KCNQ1: variants seen among roughly 807,000 people sequenced by gnomAD.
The protein encoded by KCNQ1 is potassium voltage-gated channel subfamily Q member 1, also known as potassium voltage-gated channel subfamily KQT member 1.
KCNQ1 carries 49 observed loss-of-function variants against 72.4 expected under a neutral mutation model. That is an observed-to-expected ratio of 0.68 (90% CI 0.54 to 0.86). The LOEUF (loss-of-function observed/expected upper bound fraction) is 0.86, where lower values mean the gene tolerates loss of function less well. Ranked by LOEUF, KCNQ1 falls within the 40% of genes least tolerant of loss-of-function variation. KCNQ1 has a pLI of 0.00. For synonymous variants in KCNQ1, 450 were observed against 412.6 expected (o/e 1.09, Z -1.10); for missense variants, 790 against 945.1 (o/e 0.84, Z 2.15).
In KCNQ1 at chr11:2,457,248, A is replaced by G. The variant is rs886905149; in HGVS notation, c.386+11764A>G. On this transcript the variant is annotated intron_variant, in intron 1 of 15. Transcript: ENST00000155840. The surrounding 1 kb of genome is among the most constrained non-coding windows in gnomAD (Gnocchi z 5.0). ...ATGGAAGGCAGTTTGGAGATTTCCC[A>G]AAGAACCAAGAGTTGAACTACCATT... Among the ~76,000 whole-genome samples, 1 of 152,194 alleles carries G rather than the reference A, an allele frequency of 6.6e-6. No homozygotes were observed. The highest frequency in any genetic ancestry group is 2.4e-5 in the African/African-American group (1 of 41,452).
chr11:2,826,977 G>C lies in KCNQ1; in HGVS notation c.1795-20790G>C, dbSNP rs1418716332. Among the ~76,000 whole-genome samples, 1 of 152,194 alleles carries C rather than the reference G, an allele frequency of 6.6e-6. No individual in the cohort carries two copies. Among genetic ancestry groups the C allele is most frequent in the Non-Finnish European group, 1.5e-5 (1 of 68,036 alleles). On this transcript the variant is annotated intron_variant, in intron 15 of 15. Coordinates refer to ENST00000155840, the MANE Select transcript of KCNQ1 (RefSeq NM_000218.3). This position sits in a 1 kb window ranked among gnomAD's most constrained non-coding sequence, Gnocchi z 4.2. ...GGGACATCTCCAAGGAGGTGACATC[G>C]GAGCAGTCCTCTAAGGAGTTTGGAG...
intron 1 of KCNQ1, among the ~76,000 whole-genome samples, chr11:2,503,582 C>T (rs179403): frequency 6.6e-6 from 1 of 151,502 alleles, no homozygotes; most frequent in East Asian, 1.9e-4. Context: ...GGAGATATAC[C>T]TAATGCTAAA....
At position 2,786,617 on chromosome 11, in the gene KCNQ1, G is replaced by A. The variant is rs1846920643; in HGVS notation, c.1794+8580G>A. Among the ~76,000 whole-genome samples, 3 of 147,288 alleles carry A rather than the reference G, an allele frequency of 2.0e-5. No homozygotes were observed. The South Asian group carries it at 6.4e-4, about 32-fold the overall frequency. On this transcript the variant is annotated intron_variant, in intron 15 of 15. Transcript: ENST00000155840. ...TTAAATCACTTTGTCTCTCTGTACTGTATTCTGGAATCCATCTTCCAGTTC... is the reference window on the plus strand; with the variant it reads ...TTAAATCACTTTGTCTCTCTGTACTATATTCTGGAATCCATCTTCCAGTTC...
In KCNQ1 at chr11:2,778,069, G is replaced by T. The variant is rs41282928; in HGVS notation, c.1794+32G>T. 0.046 allele frequency: 74,527 copies of T among 1,608,826 alleles called. 2,063 individuals are homozygous for T. Among genetic ancestry groups the T allele is most frequent in the Non-Finnish European group, 0.055 (64,451 of 1,176,664 alleles). The stretch of plus-strand genomic sequence containing the variant: ...TCACGCGCCGGCCTGCGGTGGTTCT[G>T]GTTAGCGTCCTGGGGCCAGCAGGCA... On this transcript the variant is annotated intron_variant, in intron 15 of 15. Transcript: ENST00000155840.
chr11:2,574,213 G>T (rs1397165611), intron 6 of KCNQ1, among the ~76,000 whole-genome samples: 1 of 152,198 alleles, frequency 6.6e-6, no homozygotes, highest in African/African-American at 2.4e-5. Context: ...GGCCCAGGGT[G>T]GCACCATCAC....
intron 15 of KCNQ1, among the ~76,000 whole-genome samples, chr11:2,837,238 C>T (rs1283039414): frequency 2.0e-5 from 3 of 152,192 alleles, no homozygotes; most frequent in Non-Finnish European, 4.4e-5. Flanking sequence ...AGACAGAACA[C>T]AGCAGGCTGT....
At chr11:2,631,714 G>T in intron 10 of KCNQ1, 1 of 398,586 alleles carries the variant, frequency 2.5e-6, no homozygotes, top group Non-Finnish European at 4.4e-6. Flanking sequence ...TGCAGCAGCT[G>T]TAGCCCAGAT....
chr11:2,537,810 C>A lies in KCNQ1; in HGVS notation c.477+9792C>A, dbSNP rs753589143. 7.2e-5 allele frequency among the ~76,000 whole-genome samples: 11 copies of A among 152,156 alleles called. No homozygotes were observed. Among genetic ancestry groups the A allele is most frequent in the Non-Finnish European group, 1.5e-4 (10 of 68,044 alleles). On this transcript the variant is annotated intron_variant, in intron 2 of 15. Transcript: ENST00000155840. This position sits in a 1 kb window ranked among gnomAD's most constrained non-coding sequence, Gnocchi z 5.2. Reference sequence around the variant, plus strand: ...CACGGCTCACTGCAGCCTCGGCCTCCTGGCCTCAAGTGTTCCCACTTCAGC... The same window carrying A: ...CACGGCTCACTGCAGCCTCGGCCTCATGGCCTCAAGTGTTCCCACTTCAGC...
In KCNQ1 at chr11:2,825,904, C is replaced by G. The variant is rs535737042; in HGVS notation, c.1795-21863C>G. On this transcript the variant is annotated intron_variant, in intron 15 of 15. Transcript: ENST00000155840. ...ACACTTTACCACCTCCCCACATTGACAAGCTGGCTCCCCAGGGCCACCCGG... is the reference window on the plus strand; with the variant it reads ...ACACTTTACCACCTCCCCACATTGAGAAGCTGGCTCCCCAGGGCCACCCGG... 1.2e-4 allele frequency among the ~76,000 whole-genome samples: 18 copies of G among 152,320 alleles called. No individual in the cohort carries two copies. In the East Asian group the frequency reaches 2.1e-3, roughly 18 times the overall value.
At chr11:2,666,645 A>T in intron 11 of KCNQ1, 1 of 398,670 alleles carries the variant, frequency 2.5e-6, no homozygotes. Flanking sequence ...GGCTTCATGG[A>T]CCAAGGGGCT....
intron 1 of KCNQ1, among the ~76,000 whole-genome samples, chr11:2,452,428 G>T (rs1433477257): frequency 6.6e-6 from 1 of 152,184 alleles, no homozygotes; most frequent in Non-Finnish European, 1.5e-5. Flanking sequence ...TCCACGCAGA[G>T]CAGCCCGGGC....
Position 2,657,967 on chromosome 11 carries a change from G to A in KCNQ1, c.1394-3994G>A. ...TAACCTTGAGCCACTCGTTTAAAGT[G>A]GTGTCGGCCAGGCTCCTCCACTGTA... is the stretch of plus-strand genomic sequence containing the variant. On this transcript the variant is annotated intron_variant, in intron 10 of 15. Coordinates refer to ENST00000155840, the MANE Select transcript of KCNQ1 (RefSeq NM_000218.3). This position sits in a 1 kb window ranked among gnomAD's most constrained non-coding sequence, Gnocchi z 4.8. The A allele has an allele frequency of 2.5e-6, 1 of 398,544 alleles. No homozygotes were observed. The highest frequency in any genetic ancestry group is 2.1e-5 in the African/African-American group (1 of 48,736). The allele number at this position is 398,544 out of a possible 1,614,324, so 24.7% of individuals were successfully genotyped here. A position where few individuals can be genotyped will look rare whatever the true frequency, so the allele number is the denominator to read the frequency against.
At position 2,814,280 on chromosome 11, in the gene KCNQ1, GGGATGGATGGAT is replaced by G. The variant is rs375570048; in HGVS notation, c.1795-33474_1795-33463del. The stretch of plus-strand genomic sequence containing the variant: ...GCTGAATAAAGGATGGATGGATGGT[GGGATGGATGGAT>G]GGATGGATGGATAGATGGATGGATG... On this transcript the variant is annotated intron_variant, in intron 15 of 15. Transcript: ENST00000155840. Among the ~76,000 whole-genome samples the G allele has an allele frequency of 2.5e-3, 345 of 138,342 alleles. 1 individual carries two copies. Among genetic ancestry groups the G allele is most frequent in the African/African-American group, 0.011 (332 of 30,872 alleles). 90.8% of individuals were successfully genotyped at this position (138,342 alleles called of 152,430 possible).
rs1424749699 is a variant in KCNQ1 at position 2,481,783 on chromosome 11, C to T, written c.386+36299C>T. Among the ~76,000 whole-genome samples, 1 of 152,186 alleles carries T rather than the reference C, an allele frequency of 6.6e-6. No individual in the cohort carries two copies. Among genetic ancestry groups the T allele is most frequent in the East Asian group, 1.9e-4 (1 of 5,200 alleles). ...ATGATCTGTCACTGTCTCCCATCAC[C>T]CCCAGATGGGACTGTCTAGTTGCAG... is the stretch of plus-strand genomic sequence containing the variant. On this transcript the variant is annotated intron_variant, in intron 1 of 15. Transcript: ENST00000155840. The surrounding 1 kb of genome is among the most constrained non-coding windows in gnomAD (Gnocchi z 4.6).
intron 11 of KCNQ1, among the ~76,000 whole-genome samples, chr11:2,733,857 C>CTCTCTCTCTCTCTCTCTCTCTCTCT (rs147278439): frequency 3.8e-4 from 29 of 76,340 alleles, no homozygotes; most frequent in African/African-American, 6.1e-4. Context: ...CTCTCTCTCT[C>CTCTCTCTCTCTCTCTCTCTCTCTCT]CCCCCCCACT....
intron 2 of KCNQ1, among the ~76,000 whole-genome samples, chr11:2,561,224 GA>G (rs1376876528): frequency 6.6e-6 from 1 of 150,762 alleles, no homozygotes; most frequent in Non-Finnish European, 1.5e-5. Flanking sequence ...AAGAAAAAAA[GA>G]AAAAAAAGGA....
chr11:2,533,978 C>T (rs1847685592), intron 2 of KCNQ1, among the ~76,000 whole-genome samples: 1 of 152,232 alleles, frequency 6.6e-6, no homozygotes, highest in Admixed American at 6.5e-5. Flanking sequence ...GTCATCGCTG[C>T]GGCTTCCTCC....
At position 2,495,904 on chromosome 11, in the gene KCNQ1, G is replaced by A. The variant is rs1020099300; in HGVS notation, c.387-32024G>A. Among the ~76,000 whole-genome samples, 2 of 152,140 alleles carry A rather than the reference G, an allele frequency of 1.3e-5. No individual in the cohort carries two copies. The highest frequency in any genetic ancestry group is 2.9e-5 in the Non-Finnish European group (2 of 68,028). ...TCCTGAATATCCTTGTTAATTTTCTGTCTCATTGATCTGTCTAATATTGAC... is the reference window on the plus strand; with the variant it reads ...TCCTGAATATCCTTGTTAATTTTCTATCTCATTGATCTGTCTAATATTGAC... On this transcript the variant is annotated intron_variant, in intron 1 of 15. Coordinates refer to ENST00000155840, the MANE Select transcript of KCNQ1 (RefSeq NM_000218.3). This position sits in a 1 kb window ranked among gnomAD's most constrained non-coding sequence, Gnocchi z 4.6.
chr11:2,500,905 G>A (rs1293777538), intron 1 of KCNQ1, among the ~76,000 whole-genome samples: 2 of 151,978 alleles, frequency 1.3e-5, no homozygotes, highest in African/African-American at 4.8e-5. Flanking sequence ...GAGGGAATTA[G>A]GAGAAATACC....
Sources: allele counts gnomAD v4.1 joint callset (sites outside exome capture counted in the v4.1 genomes callset), GRCh38; gene constraint gnomAD v4.1.1; non-coding constraint Gnocchi (gnomAD v3.1); transcripts MANE v1.5; gene names NCBI Gene and HGNC (gene_info 2026-07-23, HGNC 2026-07-21).